GRM1: variants seen among roughly 807,000 people sequenced by gnomAD.
GRM1 encodes metabotropic glutamate receptor 1.
A neutral mutation model predicts 90.9 loss-of-function variants in GRM1; 33 were observed. That is an observed-to-expected ratio of 0.36 (90% CI 0.28 to 0.49). GRM1 has a LOEUF of 0.49. Ranked by LOEUF, GRM1 falls within the 20% of genes least tolerant of loss-of-function variation. The probability of loss-of-function intolerance (pLI) is 0.99; values close to 1 mark genes in which losing one functional copy is unlikely to be tolerated. For missense variants in GRM1, 1,190 were observed against 1,534.3 expected, an observed-to-expected ratio of 0.78 and a Z score of 3.75; for synonymous variants, 700 against 613.2, an observed-to-expected ratio of 1.14 and a Z score of -2.09.
At chr6:146,112,294 A>AACAAC (rs1775589172) in intron 1 of GRM1, among the ~76,000 whole-genome samples, 1 of 151,568 alleles carries the variant, frequency 6.6e-6, no homozygotes, top group South Asian at 2.1e-4. Flanking sequence ...AAAAAAAAAG[A>AACAAC]ACAACACAAG....
At chr6:146,031,696 A>C (rs900619390) in intron 1 of GRM1, among the ~76,000 whole-genome samples, 3 of 152,140 alleles carry the variant, frequency 2.0e-5, no homozygotes, top group African/African-American at 4.8e-5. Context: ...TTTAAGACTC[A>C]AAGTATTAAT....
intron 3 of GRM1, among the ~76,000 whole-genome samples, chr6:146,313,079 T>C (rs1445461578): frequency 3.3e-5 from 5 of 152,226 alleles, no homozygotes; most frequent in African/African-American, 1.2e-4. Context: ...AAAGCTCAAA[T>C]AATTTTTAGT....
intron 1 of GRM1, among the ~76,000 whole-genome samples, chr6:146,142,540 G>A (rs1439937160): frequency 6.6e-6 from 1 of 152,130 alleles, no homozygotes; most frequent in South Asian, 2.1e-4. Flanking sequence ...GGCAGGACCT[G>A]GAGTCAGAAA....
intron 3 of GRM1, among the ~76,000 whole-genome samples, chr6:146,312,411 CA>C (rs1366027081): frequency 2.9e-5 from 3 of 103,036 alleles, no homozygotes; most frequent in Non-Finnish European, 4.0e-5. Flanking sequence ...TCCATTGAGA[CA>C]AATTTTTTGA....
At chr6:146,171,787 GA>G in intron 2 of GRM1, 1 of 301,010 alleles carries the variant, frequency 3.3e-6, no homozygotes, top group Non-Finnish European at 6.9e-6. Flanking sequence ...CATTTGTGAA[GA>G]AGAATGTTCT....
chr6:146,398,085 T>G (rs1777031090), intron 6 of GRM1, among the ~76,000 whole-genome samples: 1 of 152,334 alleles, frequency 6.6e-6, no homozygotes, highest in African/African-American at 2.4e-5. Context: ...AATTCTAGTC[T>G]TTCCTTTCAA....
chr6:146,140,117 C>T (rs915706115), intron 1 of GRM1, among the ~76,000 whole-genome samples: 3 of 118,538 alleles, frequency 2.5e-5, no homozygotes, highest in African/African-American at 6.6e-5. Flanking sequence ...TTCTTTCTTT[C>T]TTTCTTTCTT....
intron 1 of GRM1, among the ~76,000 whole-genome samples, chr6:146,093,511 C>T (rs1776776976): frequency 6.6e-6 from 1 of 152,114 alleles, no homozygotes; most frequent in South Asian, 2.1e-4. Flanking sequence ...CTGGATTCCT[C>T]CTCTCTAACA....
At chr6:146,329,955 C>T (rs566729247) in intron 3 of GRM1, among the ~76,000 whole-genome samples, 34 of 152,280 alleles carry the variant, frequency 2.2e-4, no homozygotes, top group African/African-American at 7.9e-4. Flanking sequence ...TGTTGTATGT[C>T]GGGGACTGCC....
intron 5 of GRM1, among the ~76,000 whole-genome samples, chr6:146,364,483 A>G (rs993451382): frequency 2.6e-5 from 4 of 152,202 alleles, no homozygotes; most frequent in Non-Finnish European, 5.9e-5. Context: ...CCAGCTGGCT[A>G]TAGCTTAATG....
chr6:146,033,037 C>A (rs1050154131), intron 1 of GRM1, among the ~76,000 whole-genome samples: 1 of 151,812 alleles, frequency 6.6e-6, no homozygotes, highest in African/African-American at 2.4e-5. Flanking sequence ...ATTATTTGTA[C>A]CACACTTGAT....
chr6:146,425,000 T>G (rs559597335), intron 7 of GRM1, among the ~76,000 whole-genome samples: 73 of 152,232 alleles, frequency 4.8e-4, no homozygotes, highest in Non-Finnish European at 7.9e-4. Flanking sequence ...ATAAGTTTGA[T>G]AGCAAACAGT....
rs191570821 is a variant in GRM1, at chr6:146,286,257, A to G, written c.951-18354A>G. On this transcript the variant is annotated intron_variant, in intron 2 of 7. Coordinates refer to ENST00000282753, the MANE Select transcript of GRM1 (RefSeq NM_001278064.2). ...TTTTAAATTTCCTCCAAATTTCCAAAGCTGTCTATTCTAAGAAAACTCGAT... is the reference window on the plus strand; with the variant it reads ...TTTTAAATTTCCTCCAAATTTCCAAGGCTGTCTATTCTAAGAAAACTCGAT... 4.9e-3 allele frequency among the ~76,000 whole-genome samples: 740 copies of G among 152,310 alleles called. 7 individuals are homozygous for G. Among genetic ancestry groups the G allele is most frequent in the African/African-American group, 0.017 (692 of 41,586 alleles).
intron 2 of GRM1, among the ~76,000 whole-genome samples, chr6:146,219,894 G>A (rs1779998919): frequency 6.6e-6 from 1 of 150,614 alleles, no homozygotes; most frequent in African/African-American, 2.5e-5. Context: ...CCAATAAAAT[G>A]AATCTTGTTG....
intron 3 of GRM1, among the ~76,000 whole-genome samples, chr6:146,342,347 A>G (rs142145720): frequency 4.6e-5 from 7 of 152,334 alleles, no homozygotes; most frequent in African/African-American, 1.2e-4. Flanking sequence ...TAGATTATAT[A>G]TTGTCTGCAA....
intron 2 of GRM1, among the ~76,000 whole-genome samples, chr6:146,211,051 A>T (rs1398868197): frequency 6.6e-6 from 1 of 152,032 alleles, no homozygotes; most frequent in Non-Finnish European, 1.5e-5. Flanking sequence ...CAAAGGAATT[A>T]TCTCCCTGCT....
intron 7 of GRM1, among the ~76,000 whole-genome samples, chr6:146,400,674 C>G (rs1417415617): frequency 1.3e-5 from 2 of 152,066 alleles, no homozygotes; most frequent in Admixed American, 6.6e-5. Context: ...AAAAATAGCA[C>G]GGATGCTTGA....
chr6:146,352,934 A>G (rs6910220), intron 4 of GRM1, among the ~76,000 whole-genome samples: 387 of 152,304 alleles, frequency 2.5e-3, no homozygotes, highest in African/African-American at 8.4e-3. Context: ...AGAGCTCAGT[A>G]TGCAAAGAGA....
chr6:146,433,967 C>T lies in GRM1; in HGVS notation c.2756C>T (p.Thr919Ile), dbSNP rs536808733. 2 of 1,613,980 alleles carry T rather than the reference C, an allele frequency of 1.2e-6. No individual in the cohort carries two copies. Among genetic ancestry groups the T allele is most frequent in the Non-Finnish European group, 1.7e-6 (2 of 1,179,868 alleles). The change falls in exon 8 of 8, where the codon ACC becomes ATC. Residue 919 changes from threonine to isoleucine, a missense_variant. By Grantham distance (89) the Thr-to-Ile change is moderately conservative (BLOSUM62 -1). Coordinates refer to ENST00000282753, the MANE Select transcript of GRM1 (RefSeq NM_001278064.2). ...CACCGCCTCTCTGTGCACGTGAAGA[C>T]CAATGAGACGGCCTGCAACCAAACA... ...MWHRLSVHVKTNETACNQTAV... is the reference protein window; with the variant it reads ...MWHRLSVHVKINETACNQTAV...
Sources: allele counts gnomAD v4.1 joint callset (sites outside exome capture counted in the v4.1 genomes callset), GRCh38; gene constraint gnomAD v4.1.1; transcripts MANE v1.5; gene names NCBI Gene and HGNC (gene_info 2026-07-23, HGNC 2026-07-21).